The following PCCA variants were observed in gnomAD, a reference collection of about 807,000 sequenced individuals.
PCCA encodes propionyl-CoA carboxylase alpha chain, mitochondrial.
A neutral mutation model predicts 101.3 loss-of-function variants in PCCA; 74 were observed. That is an observed-to-expected ratio of 0.73 (90% CI 0.61 to 0.89). PCCA has a LOEUF of 0.89. Among genes scored for constraint, PCCA ranks in the 40% least tolerant of loss-of-function variants. The probability of loss-of-function intolerance (pLI) is 0.00; values close to 1 mark genes in which losing one functional copy is unlikely to be tolerated. For synonymous variants in PCCA, 294 were observed against 313.6 expected, an observed-to-expected ratio of 0.94 and a Z score of 0.66; for missense variants, 891 against 907.0, an observed-to-expected ratio of 0.98 and a Z score of 0.23.
intron 22 of PCCA, 97 bp downstream of exon 22, chr13:100,515,664 G>C: frequency 6.8e-7 from 1 of 1,471,332 alleles, no homozygotes; most frequent in Non-Finnish European, 9.4e-7. Context: ...GCTCTTTGCA[G>C]TTCTTACTTA....
chr13:100,224,658 C>A (rs905390981), intron 7 of PCCA, among the ~76,000 whole-genome samples: 10 of 152,236 alleles, frequency 6.6e-5, no homozygotes, highest in African/African-American at 1.9e-4. Context: ...TAATGCTAAG[C>A]TCAAGGCGCA....
chr13:100,516,939 TG>T (rs2086874221), intron 22 of PCCA, among the ~76,000 whole-genome samples: 2 of 152,132 alleles, frequency 1.3e-5, no homozygotes, highest in African/African-American at 2.4e-5. Flanking sequence ...GGTTTTGTTT[TG>T]TTTTTTTCAT....
chr13:100,127,586 G>A (rs1052625488), intron 4 of PCCA, among the ~76,000 whole-genome samples: 2 of 152,076 alleles, frequency 1.3e-5, no homozygotes, highest in Admixed American at 6.5e-5. Context: ...TACTGAAAAA[G>A]CATACATATA....
chr13:100,311,222 G>C (rs1211408398), intron 16 of PCCA, among the ~76,000 whole-genome samples: 4 of 149,226 alleles, frequency 2.7e-5, no homozygotes, highest in Non-Finnish European at 4.4e-5. Context: ...GACAGAGTGA[G>C]AGTCCGTCTC....
intron 4 of PCCA, among the ~76,000 whole-genome samples, chr13:100,135,666 G>A (rs2051074062): frequency 6.6e-6 from 1 of 151,086 alleles, no homozygotes; most frequent in Non-Finnish European, 1.5e-5. Flanking sequence ...ATTTTTTTCT[G>A]TTGCTCTAGT....
At chr13:100,522,566 C>T (rs1034235459) in intron 22 of PCCA, among the ~76,000 whole-genome samples, 2 of 152,158 alleles carry the variant, frequency 1.3e-5, no homozygotes, top group African/African-American at 4.8e-5. Flanking sequence ...TCTATTTCAA[C>T]GATAACACCT....
chr13:100,190,396 A>T (rs1202429026), intron 6 of PCCA, among the ~76,000 whole-genome samples: 1 of 152,208 alleles, frequency 6.6e-6, no homozygotes, highest in Admixed American at 6.5e-5. Flanking sequence ...AAAACCAAAA[A>T]GCGTGGCTGG....
chr13:100,209,334 A>G lies in PCCA; in HGVS notation c.471A>G (p.Ala157=), dbSNP rs377194199. The change falls in exon 7 of 24, where the codon GCA becomes GCG. Residue 157 remains alanine, a splice_region_variant and synonymous_variant. Transcript: ENST00000376285. ...SENKEFARCL[A]AEDVVFIGPD... is the part of the protein sequence containing the mutation. ...TTTTGACTTGTTTTTCTCCACAGGCAGCAGAAGATGTCGTTTTCATTGGAC... is the reference window on the plus strand; with the variant it reads ...TTTTGACTTGTTTTTCTCCACAGGCGGCAGAAGATGTCGTTTTCATTGGAC... 6.2e-7 allele frequency: 1 copy of G among 1,613,566 alleles called. No individual in the cohort carries two copies. Among genetic ancestry groups the G allele is most frequent in the African/African-American group, 1.3e-5 (1 of 74,934 alleles).
chr13:100,180,737 T>C (rs1210007669), intron 6 of PCCA, among the ~76,000 whole-genome samples: 3 of 152,266 alleles, frequency 2.0e-5, no homozygotes, highest in Non-Finnish European at 1.5e-5. Context: ...TGAGGTTACG[T>C]TGCACAAATG....
intron 21 of PCCA, among the ~76,000 whole-genome samples, chr13:100,483,836 A>C (rs186958411): frequency 6.6e-6 from 1 of 152,290 alleles, no homozygotes; most frequent in East Asian, 1.9e-4. Flanking sequence ...CCTAATCTGC[A>C]CATCCTCTTG....
Position 100,337,575 on chromosome 13 carries a change from C to G in PCCA, c.1541-2582C>G, listed in dbSNP as rs935912133. Among the ~76,000 whole-genome samples the G allele has an allele frequency of 4.6e-5, 7 of 152,174 alleles. 1 individual carries two copies. Among genetic ancestry groups the G allele is most frequent in the Admixed American group, 1.3e-4 (2 of 15,266 alleles). The stretch of plus-strand genomic sequence containing the variant: ...AGAGCCTGTTGGAACTGAGTACCCC[C>G]CTTTTGAAGTGGAATATCAGTAAAA... On this transcript the variant is annotated intron_variant, in intron 17 of 23. Coordinates refer to ENST00000376285, the MANE Select transcript of PCCA (RefSeq NM_000282.4).
chr13:100,408,122 A>T (rs1401534766), intron 19 of PCCA, among the ~76,000 whole-genome samples: 1 of 152,258 alleles, frequency 6.6e-6, no homozygotes, highest in Non-Finnish European at 1.5e-5. Flanking sequence ...ACTGCACTCC[A>T]GCCTGGGTGA....
chr13:100,408,686 C>T (rs1349196694), intron 19 of PCCA, among the ~76,000 whole-genome samples: 1 of 152,146 alleles, frequency 6.6e-6, no homozygotes, highest in East Asian at 1.9e-4. Context: ...TAAACAAAGC[C>T]TTGCCACTGG....
intron 9 of PCCA, among the ~76,000 whole-genome samples, chr13:100,261,166 A>G (rs1345885126): frequency 2.0e-5 from 3 of 152,122 alleles, no homozygotes; most frequent in African/African-American, 7.2e-5. Context: ...ATATTAGTAG[A>G]TGGACCATTT....
chr13:100,178,620 G>T (rs2056455458), intron 6 of PCCA, among the ~76,000 whole-genome samples: 2 of 152,302 alleles, frequency 1.3e-5, no homozygotes, highest in African/African-American at 2.4e-5. Flanking sequence ...GGTTCAGGCA[G>T]CATTTCCTCT....
intron 12 of PCCA, among the ~76,000 whole-genome samples, chr13:100,282,616 C>G (rs1044680752): frequency 2.0e-5 from 3 of 152,202 alleles, no homozygotes; most frequent in African/African-American, 7.2e-5. Context: ...CAGTGCCAGC[C>G]CACCGTGCTG....
chr13:100,121,153 GTTTT>G (rs747251831), intron 4 of PCCA, among the ~76,000 whole-genome samples: 2 of 99,478 alleles, frequency 2.0e-5, no homozygotes, highest in Non-Finnish European at 3.9e-5. Context: ...GATTTCTTAG[GTTTT>G]TTTTTTTTTT....
At chr13:100,232,043 GTAAGAGTTACTCTCT>G (rs2060502411) in intron 7 of PCCA, among the ~76,000 whole-genome samples, 1 of 152,120 alleles carries the variant, frequency 6.6e-6, no homozygotes, top group South Asian at 2.1e-4. Flanking sequence ...TTTTTACAGT[GTAAGAGTTACTCTCT>G]TAAAGCTTAA....
At chr13:100,449,081 A>G (rs763734015) in intron 20 of PCCA, among the ~76,000 whole-genome samples, 171 bp from the exon 21 acceptor site, 4 of 152,258 alleles carry the variant, frequency 2.6e-5, no homozygotes. Flanking sequence ...TGTAGCATGT[A>G]TCACTACTTC....
Sources: gnomAD v4.1 joint callset for allele counts (sites outside exome capture counted in the v4.1 genomes callset) on GRCh38, gnomAD v4.1.1 for gene constraint, MANE v1.5 for transcripts, NCBI Gene and HGNC (gene_info 2026-07-23, HGNC 2026-07-21) for gene names.